The following NDUFA10 variants were observed in gnomAD, a reference collection of about 807,000 sequenced individuals.
NDUFA10 encodes NADH dehydrogenase [ubiquinone] 1 alpha subcomplex subunit 10, mitochondrial.
NDUFA10 carries 40 observed loss-of-function variants against 47.8 expected under a neutral mutation model. The ratio of observed to expected loss-of-function variants is 0.84; its 90% CI spans 0.65 to 1.09. The LOEUF (loss-of-function observed/expected upper bound fraction) is 1.09. NDUFA10 is among the 50% of genes least tolerant of loss of function. NDUFA10 has a pLI of 0.00. For synonymous variants in NDUFA10, 183 were observed against 172.2 expected, an observed-to-expected ratio of 1.06 and a Z score of -0.49; for missense variants, 413 against 451.1, an observed-to-expected ratio of 0.92 and a Z score of 0.76.
chr2:239,931,167 G>A lies in NDUFA10; in HGVS notation c.295-35853C>T, dbSNP rs79875234. Reference sequence around the variant, plus strand: ...ACTTTCACCCTGGCCACAGGCATGAGCTCTTTGGGGCAGACCGGCTTAATC... The same window carrying A: ...ACTTTCACCCTGGCCACAGGCATGAACTCTTTGGGGCAGACCGGCTTAATC... On this transcript the variant is annotated intron_variant, in intron 4 of 5. Transcript: ENST00000419408. 2.7e-3 allele frequency among the ~76,000 whole-genome samples: 409 copies of A among 152,322 alleles called. 1 individual carries two copies. The highest frequency in any genetic ancestry group is 9.4e-3 in the African/African-American group (391 of 41,572).
At chr2:239,991,578 T>C (rs1265617604) in intron 8 of NDUFA10, among the ~76,000 whole-genome samples, 6 of 152,242 alleles carry the variant, frequency 3.9e-5, no homozygotes, top group Non-Finnish European at 4.4e-5. Flanking sequence ...ACTGCATTAA[T>C]TGTAAGACTA....
intron 4 of NDUFA10, among the ~76,000 whole-genome samples, chr2:239,920,927 A>G (rs1693965015): frequency 6.6e-6 from 1 of 152,132 alleles, no homozygotes; most frequent in Admixed American, 6.5e-5. Context: ...CCAGGTGGGC[A>G]GGTTTCTCCT....
At chr2:239,997,885 A>G (rs1696545475) in intron 8 of NDUFA10, among the ~76,000 whole-genome samples, 2 of 152,252 alleles carry the variant, frequency 1.3e-5, no homozygotes, top group Non-Finnish European at 1.5e-5. Flanking sequence ...TCTGGCCCAC[A>G]GGCCAAACAG....
chr2:239,959,077 T>C lies in NDUFA10; in HGVS notation c.*2041A>G, dbSNP rs1574808970. 1.0e-6 allele frequency: 1 copy of C among 985,482 alleles called. No homozygotes were observed. The highest frequency in any genetic ancestry group is 1.2e-6 in the Non-Finnish European group (1 of 829,950). The allele number at this position is 985,482 out of a possible 1,614,324, so 61.0% of individuals were successfully genotyped here. ...GAATTGGACAGTGTTTATTCATCTT[T>C]CTCTGCTGAACATGCATGTCATTGA... On this transcript the variant is annotated 3_prime_UTR_variant, in exon 10 of 10. Coordinates refer to ENST00000252711, the MANE Select transcript of NDUFA10 (RefSeq NM_004544.4).
Position 239,928,087 on chromosome 2 carries a change from ATGG to A in NDUFA10, c.295-32776_295-32774del, listed in dbSNP as rs1226906664. ...GTCAAGAAGGGCCCTCCCATCCCAC[ATGG>A]GAAAACAGCAGACCCCAGCACAGCC... On this transcript the variant is annotated intron_variant, in intron 4 of 5. Coordinates refer to the NDUFA10 transcript ENST00000419408. The surrounding 1 kb of genome is among the most constrained non-coding windows in gnomAD (Gnocchi z 4.3). Among the ~76,000 whole-genome samples the A allele has an allele frequency of 1.3e-5, 2 of 152,200 alleles. No homozygotes were observed. The highest frequency in any genetic ancestry group is 4.8e-5 in the African/African-American group (2 of 41,444).
intron 4 of NDUFA10, among the ~76,000 whole-genome samples, chr2:239,939,134 G>C (rs771451895): frequency 5.9e-5 from 9 of 152,198 alleles, no homozygotes; most frequent in Non-Finnish European, 1.0e-4. Flanking sequence ...CGGACCCGCG[G>C]ACAGTCAGGA....
At chr2:240,012,182 A>T in intron 5 of NDUFA10, 1 of 203,880 alleles carries the variant, frequency 4.9e-6, no homozygotes. Flanking sequence ...CCCACTTTCT[A>T]CGGCTGTCAC....
intron 4 of NDUFA10, among the ~76,000 whole-genome samples, chr2:239,913,401 T>C (rs12989695): frequency 0.19 from 28,686 of 152,290 alleles, 3,185 homozygotes; most frequent in African/African-American, 0.3. Flanking sequence ...TACAGGACTC[T>C]GCCACGATGG....
intron 9 of NDUFA10, among the ~76,000 whole-genome samples, chr2:239,985,911 CA>C (rs34928768): frequency 0.38 from 35,013 of 91,566 alleles, 4,707 homozygotes; most frequent in East Asian, 0.5. Context: ...GATTCTGTCT[CA>C]AAAAAAAAAA....
chr2:239,910,044 A>G (rs1693722113), intron 4 of NDUFA10, among the ~76,000 whole-genome samples: 1 of 152,194 alleles, frequency 6.6e-6, no homozygotes. Flanking sequence ...CAGAATGACT[A>G]TTAGTAAAAA....
rs1190922970 is a variant in NDUFA10 at position 239,945,653 on chromosome 2, T to C, written c.294+44421A>G. Among the ~76,000 whole-genome samples, 2 of 152,208 alleles carry C rather than the reference T, an allele frequency of 1.3e-5. No homozygotes were observed. The highest frequency in any genetic ancestry group is 4.8e-5 in the African/African-American group (2 of 41,448). ...TCTCACGGAATGGATCGATTGGCCC[T>C]GGGATGAAAACCAGCATGTCAGAGC... On this transcript the variant is annotated intron_variant, in intron 4 of 5. Transcript: ENST00000419408. This position sits in a 1 kb window ranked among gnomAD's most constrained non-coding sequence, Gnocchi z 4.6.
At chr2:239,997,685 G>T (rs1394049473) in intron 8 of NDUFA10, among the ~76,000 whole-genome samples, 1 of 152,204 alleles carries the variant, frequency 6.6e-6, no homozygotes, top group Non-Finnish European at 1.5e-5. Context: ...TAATCCAAGA[G>T]ATCTATTTTA....
downstream of NDUFA10, among the ~76,000 whole-genome samples, chr2:239,953,689 C>T (rs530030918): frequency 2.0e-5 from 3 of 146,830 alleles, no homozygotes; most frequent in Non-Finnish European, 4.5e-5. Context: ...GAAAACGCAA[C>T]AGGCACCGCG....
rs1383453088 is a variant in NDUFA10, at chr2:240,016,693, C to T, written c.548-1833G>A. 6.6e-6 allele frequency among the ~76,000 whole-genome samples: 1 copy of T among 152,146 alleles called. No individual in the cohort carries two copies. On this transcript the variant is annotated intron_variant, in intron 4 of 9. Transcript: ENST00000252711. The surrounding 1 kb of genome is among the most constrained non-coding windows in gnomAD (Gnocchi z 4.4). ...ACCCCAGAAATGGTCCCCAAAGGAT[C>T]TGGTCTCAGCCCTCCCCCATCACCC...
At chr2:239,978,530 C>T (rs1695625478) in intron 9 of NDUFA10, among the ~76,000 whole-genome samples, 1 of 152,140 alleles carries the variant, frequency 6.6e-6, no homozygotes, top group Admixed American at 6.6e-5. Flanking sequence ...CTCTTCTGAC[C>T]AACCCCGATT....
chr2:239,905,794 G>GGGAGA lies in NDUFA10; in HGVS notation c.295-10485_295-10481dup, dbSNP rs1237506538. ...AATTATCTCTGAAGAAGAAGAAGCG[G>GGGAGA]GGAGAGGAGGGGAGGGGAAGGGAGG... On this transcript the variant is annotated intron_variant, in intron 4 of 5. Coordinates refer to the NDUFA10 transcript ENST00000419408. Among the ~76,000 whole-genome samples the GGGAGA allele has an allele frequency of 3.9e-4, 52 of 134,424 alleles. 2 individuals carry two copies. Among genetic ancestry groups the GGGAGA allele is most frequent in the Non-Finnish European group, 6.6e-5 (4 of 60,826 alleles). 88.2% of individuals were successfully genotyped at this position (134,424 alleles called of 152,430 possible).
At chr2:239,962,024 C>T (rs1409094006) in intron 9 of NDUFA10, among the ~76,000 whole-genome samples, 2 of 152,194 alleles carry the variant, frequency 1.3e-5, no homozygotes, top group Non-Finnish European at 2.9e-5. Context: ...GACGCCTGTT[C>T]ATGAGGGTAG....
chr2:240,011,923 C>G lies in NDUFA10; in HGVS notation c.670-227G>C, dbSNP rs190989562. 1.6e-5 allele frequency: 9 copies of G among 565,618 alleles called. No homozygotes were observed. The East Asian group carries it at 2.5e-4, about 16-fold the overall frequency. 35.0% of individuals were successfully genotyped at this position (565,618 alleles called of 1,614,324 possible). A position where few individuals can be genotyped will look rare whatever the true frequency, so the allele number is the denominator to read the frequency against. The stretch of plus-strand genomic sequence containing the variant: ...CTGCCCAAGTGCTCCCATAGCGTGA[C>G]TTTCTCCACACATTCTAAGATGTAT... On this transcript the variant is annotated intron_variant, in intron 5 of 9. Transcript: ENST00000252711.
chr2:239,967,483 C>T (rs1001613094), intron 9 of NDUFA10, among the ~76,000 whole-genome samples: 1 of 152,208 alleles, frequency 6.6e-6, no homozygotes, highest in African/African-American at 2.4e-5. Context: ...CCTTTACTCT[C>T]TGGCTCTTTA....
Sources: gnomAD v4.1 joint callset for allele counts (sites outside exome capture counted in the v4.1 genomes callset) on GRCh38, gnomAD v4.1.1 for gene constraint, Gnocchi (gnomAD v3.1) non-coding constraint, MANE v1.5 for transcripts, NCBI Gene and HGNC (gene_info 2026-07-23, HGNC 2026-07-21) for gene names.